SCFD2: variants seen among roughly 807,000 people sequenced by gnomAD.
SCFD2 encodes the protein sec1 family domain-containing protein 2.
A neutral mutation model predicts 58.9 loss-of-function variants in SCFD2; 54 were observed. The ratio of observed to expected loss-of-function variants is 0.92; its 90% CI spans 0.74 to 1.15. The LOEUF (loss-of-function observed/expected upper bound fraction) is 1.15, where lower values mean the gene tolerates loss of function less well. Among genes scored for constraint, SCFD2 ranks in the 50% most tolerant of loss-of-function variants. SCFD2 has a pLI of 0.00. For missense variants in SCFD2, 805 were observed against 836.6 expected (o/e 0.96, Z 0.47); for synonymous variants, 321 against 335.9 (o/e 0.96, Z 0.49).
chr4:53,135,303 A>G (rs184178771), intron 5 of SCFD2, among the ~76,000 whole-genome samples: 23 of 152,374 alleles, frequency 1.5e-4, no homozygotes, highest in East Asian at 3.9e-4. Context: ...CTGTCCCCCA[A>G]TAAGATTTAT....
chr4:53,022,499 C>A (rs1268975647), intron 5 of SCFD2, among the ~76,000 whole-genome samples: 1 of 152,166 alleles, frequency 6.6e-6, no homozygotes, highest in African/African-American at 2.4e-5. Flanking sequence ...AGCTGCTTAT[C>A]CTTTTCCATC....
rs1222415272 is a variant in SCFD2 at position 52,886,275 on chromosome 4, T to G, written c.1843-409A>C. On this transcript the variant is annotated intron_variant, in intron 7 of 8. Coordinates refer to ENST00000401642, the MANE Select transcript of SCFD2 (RefSeq NM_152540.4). ...GCATGCACTCCCCATTCTGAGCCCA[T>G]AAAAGCCCTGGACTCAGTCACACAC... Among the ~76,000 whole-genome samples the G allele has an allele frequency of 4.6e-5, 7 of 152,178 alleles. No homozygotes were observed. In the East Asian group the frequency reaches 1.3e-3, roughly 29 times the overall value.
intron 2 of SCFD2, among the ~76,000 whole-genome samples, chr4:53,334,591 G>A: frequency 6.7e-6 from 1 of 148,572 alleles, no homozygotes; most frequent in East Asian, 2.0e-4. Context: ...TCACACTCTG[G>A]GGACTGTGGT....
intron 5 of SCFD2, among the ~76,000 whole-genome samples, chr4:53,140,406 T>TATATATATATATAA (rs1726097117): frequency 7.0e-6 from 1 of 142,318 alleles, no homozygotes; most frequent in Non-Finnish European, 1.5e-5. Context: ...TATATATATA[T>TATATATATATATAA]ATATATAAAT....
rs1386498652 is a variant in SCFD2 at position 53,326,552 on chromosome 4, G to GA, written c.1008-12790dup. Among the ~76,000 whole-genome samples the GA allele has an allele frequency of 1.7e-4, 26 of 152,070 alleles. 3 individuals carry two copies. Among genetic ancestry groups the GA allele is most frequent in the Admixed American group, 1.4e-3 (22 of 15,274 alleles). On this transcript the variant is annotated intron_variant, in intron 2 of 8. Coordinates refer to ENST00000401642, the MANE Select transcript of SCFD2 (RefSeq NM_152540.4). ...ACTGTGAACATCATTATAAATGGGG[G>GA]AACGTTAGAGATATTCCTCTTAAAA... is the stretch of plus-strand genomic sequence containing the variant.
chr4:52,981,695 C>A (rs185869998), intron 5 of SCFD2, among the ~76,000 whole-genome samples: 547 of 151,904 alleles, frequency 3.6e-3, no homozygotes, highest in African/African-American at 0.013. Flanking sequence ...ACAGGAAGGC[C>A]CCGAGTCAAA....
chr4:53,293,073 C>CA (rs903405794), intron 3 of SCFD2, among the ~76,000 whole-genome samples: 57 of 148,290 alleles, frequency 3.8e-4, no homozygotes, highest in African/African-American at 7.9e-4. Flanking sequence ...TTTATCAATC[C>CA]AAAAAAAAAG....
intron 5 of SCFD2, among the ~76,000 whole-genome samples, chr4:53,120,071 A>G (rs1437738188): frequency 1.3e-5 from 2 of 152,238 alleles, no homozygotes; most frequent in Non-Finnish European, 1.5e-5. Flanking sequence ...GTGAAAATGT[A>G]TCCAATATTT....
At chr4:53,014,477 G>A (rs988168662) in intron 5 of SCFD2, among the ~76,000 whole-genome samples, 2 of 152,184 alleles carry the variant, frequency 1.3e-5, no homozygotes, top group Admixed American at 1.3e-4. Context: ...TGTCATCCAA[G>A]ACACTATTCT....
At chr4:53,310,841 C>A (rs566297107) in intron 3 of SCFD2, among the ~76,000 whole-genome samples, 8 of 152,092 alleles carry the variant, frequency 5.3e-5, no homozygotes, top group African/African-American at 1.9e-4. Flanking sequence ...ATCATGGGAT[C>A]CCTCCCCATA....
intron 5 of SCFD2, among the ~76,000 whole-genome samples, chr4:53,028,315 C>G (rs1560305826): frequency 6.6e-6 from 1 of 151,974 alleles, no homozygotes; most frequent in Non-Finnish European, 1.5e-5. Context: ...AAGTTTTATT[C>G]TTTAAATTCT....
At chr4:53,217,592 A>C (rs1419735240) in intron 4 of SCFD2, among the ~76,000 whole-genome samples, 2 of 152,106 alleles carry the variant, frequency 1.3e-5, no homozygotes, top group Non-Finnish European at 2.9e-5. Flanking sequence ...TTGACTCTTT[A>C]TCCAATTTGC....
intron 5 of SCFD2, among the ~76,000 whole-genome samples, chr4:52,922,876 T>C (rs148001204): frequency 4.1e-4 from 62 of 152,382 alleles, no homozygotes; most frequent in Admixed American, 1.2e-3. Flanking sequence ...TGCTTATTAT[T>C]AGCTATCTTC....
intron 4 of SCFD2, among the ~76,000 whole-genome samples, chr4:53,156,504 T>C (rs777012212): frequency 1.3e-5 from 2 of 151,792 alleles, no homozygotes; most frequent in African/African-American, 2.4e-5. Flanking sequence ...AAGACCATCC[T>C]GACTAACACG....
At chr4:52,955,243 G>A (rs894213920) in intron 5 of SCFD2, among the ~76,000 whole-genome samples, 3 of 152,186 alleles carry the variant, frequency 2.0e-5, no homozygotes, top group Non-Finnish European at 4.4e-5. Context: ...TTTCTGTTCA[G>A]TGCTAAGAGC....
intron 2 of SCFD2, among the ~76,000 whole-genome samples, chr4:53,336,721 C>T (rs1320525754): frequency 1.3e-5 from 2 of 152,044 alleles, no homozygotes; most frequent in Non-Finnish European, 2.9e-5. Context: ...TGGTATGTTG[C>T]CCAGGCTGGT....
chr4:53,103,790 AGGC>A (rs1724900909), intron 5 of SCFD2, among the ~76,000 whole-genome samples: 2 of 143,770 alleles, frequency 1.4e-5, no homozygotes, highest in Admixed American at 7.0e-5. Context: ...AAAAAAAAAA[AGGC>A]ATGGGGTAGG....
intron 7 of SCFD2, among the ~76,000 whole-genome samples, chr4:52,898,503 C>T (rs1043525745): frequency 1.3e-5 from 2 of 152,204 alleles, no homozygotes; most frequent in African/African-American, 2.4e-5. Flanking sequence ...TTTGATTGCA[C>T]TGTGGTCTGA....
chr4:53,103,365 G>T (rs1189121854), intron 5 of SCFD2, among the ~76,000 whole-genome samples: 1 of 151,950 alleles, frequency 6.6e-6, no homozygotes, highest in Non-Finnish European at 1.5e-5. Flanking sequence ...TTCACTGTTG[G>T]TGTGGAAGTG....
Sources: gnomAD v4.1 joint callset for allele counts (sites outside exome capture counted in the v4.1 genomes callset) on GRCh38, gnomAD v4.1.1 for gene constraint, MANE v1.5 for transcripts, NCBI Gene and HGNC (gene_info 2026-07-23, HGNC 2026-07-21) for gene names.